Variants in CREB5 observed in about 807,000 individuals in gnomAD.
CREB5 encodes cyclic AMP-responsive element-binding protein 5.
Under a neutral mutation model 57.1 loss-of-function variants are expected in CREB5, and 19 were observed. The observed-to-expected ratio is 0.33, with a 90% CI of 0.23 to 0.49. The LOEUF (loss-of-function observed/expected upper bound fraction) is 0.49, where lower values mean the gene tolerates loss of function less well. Among genes scored for constraint, CREB5 ranks in the 20% least tolerant of loss-of-function variants. CREB5 has a pLI of 0.99. For synonymous variants in CREB5, 238 were observed against 238.3 expected (o/e 1.00, Z 0.01); for missense variants, 579 against 671.6 (o/e 0.86, Z 1.52).
intron 1 of CREB5, among the ~76,000 whole-genome samples, chr7:28,361,109 C>A (rs930370543): frequency 1.3e-5 from 2 of 151,992 alleles, no homozygotes; most frequent in African/African-American, 2.4e-5. Flanking sequence ...TTTTAATAAA[C>A]CTCAGCTAAA....
rs1464886768 is a variant in CREB5, at chr7:28,613,790, A to G, written c.464+43253A>G. Among the ~76,000 whole-genome samples, 4 of 152,170 alleles carry G rather than the reference A, an allele frequency of 2.6e-5. No homozygotes were observed. The East Asian group carries it at 7.7e-4, about 29-fold the overall frequency. The stretch of plus-strand genomic sequence containing the variant: ...GTAAATGGCCTCCGCGGTAATTCAC[A>G]AATGGGTTCAGGGTGGCTTAGAGTC... On this transcript the variant is annotated intron_variant, in intron 5 of 10. Coordinates refer to ENST00000357727, the MANE Select transcript of CREB5 (RefSeq NM_182898.4).
At position 28,790,390 on chromosome 7, in the gene CREB5, C is replaced by T. The variant is rs138464501; in HGVS notation, c.703-13809C>T. ...TTCCCGTAGTGAATGGGCTTTGGAA[C>T]GAAATCAAAGGATACATTTTAGCAG... On this transcript the variant is annotated intron_variant, in intron 7 of 10. Transcript: ENST00000357727. Among the ~76,000 whole-genome samples, 326 of 120,200 alleles carry T rather than the reference C, an allele frequency of 2.7e-3. 2 individuals are homozygous for T. The highest frequency in any genetic ancestry group is 8.3e-3 in the African/African-American group (264 of 31,808). The allele number at this position is 120,200 out of a possible 152,430, so 78.9% of individuals were successfully genotyped here.
chr7:28,714,047 C>T lies in CREB5; in HGVS notation c.465-4706C>T, dbSNP rs1219965035. 5.3e-5 allele frequency among the ~76,000 whole-genome samples: 8 copies of T among 151,248 alleles called. No homozygotes were observed. In the East Asian group the frequency reaches 9.8e-4, roughly 19 times the overall value. Reference sequence around the variant, plus strand: ...AGGTTGGAGTGCAATGGTGTGATCTCGGCTCACTGCCACCTCCACCTCCTG... The same window carrying T: ...AGGTTGGAGTGCAATGGTGTGATCTTGGCTCACTGCCACCTCCACCTCCTG... On this transcript the variant is annotated intron_variant, in intron 5 of 10. Transcript: ENST00000357727.
chr7:28,806,954 A>ACATTCCCTCTTAATGC (rs1808763088), intron 8 of CREB5, among the ~76,000 whole-genome samples: 1 of 152,242 alleles, frequency 6.6e-6, no homozygotes, highest in Admixed American at 6.5e-5. Flanking sequence ...AGCAGTTAGC[A>ACATTCCCTCTTAATGC]CATTCCCTCT....
intron 5 of CREB5, among the ~76,000 whole-genome samples, chr7:28,605,129 G>T (rs532704532): frequency 6.6e-6 from 1 of 152,124 alleles, no homozygotes; most frequent in Non-Finnish European, 1.5e-5. Flanking sequence ...TTGGGTTCTT[G>T]TAACACTGAA....
At chr7:28,693,070 C>G (rs1801357194) in intron 5 of CREB5, among the ~76,000 whole-genome samples, 1 of 152,158 alleles carries the variant, frequency 6.6e-6, no homozygotes, top group Non-Finnish European at 1.5e-5. Flanking sequence ...ATAGCCAAGA[C>G]CCATCTAGCT....
intron 4 of CREB5, among the ~76,000 whole-genome samples, chr7:28,560,825 C>CGCGCGTGTGTGTGTGTGCGTGTGTGT (rs1795083600): frequency 2.7e-5 from 1 of 37,566 alleles, no homozygotes; most frequent in Non-Finnish European, 6.5e-5. Flanking sequence ...TGTGTGTGCG[C>CGCGCGTGTGTGTGTGTGCGTGTGTGT]GCGCGCGCGT....
intron 1 of CREB5, among the ~76,000 whole-genome samples, chr7:28,324,283 T>C (rs1785541807): frequency 6.6e-6 from 1 of 152,146 alleles, no homozygotes; most frequent in African/African-American, 2.4e-5. Flanking sequence ...AAACCTTCTT[T>C]AAGAGCTGTC....
intron 5 of CREB5, among the ~76,000 whole-genome samples, chr7:28,690,306 C>A (rs1284681208): frequency 1.3e-5 from 2 of 152,178 alleles, no homozygotes; most frequent in African/African-American, 4.8e-5. Flanking sequence ...CTCTGCCCAC[C>A]AGACACAGAG....
intron 7 of CREB5, among the ~76,000 whole-genome samples, chr7:28,774,583 A>G (rs1253441979): frequency 1.3e-5 from 2 of 152,136 alleles, no homozygotes; most frequent in Non-Finnish European, 2.9e-5. Context: ...AGAATTGCCA[A>G]CCCTTCGACT....
chr7:28,662,393 CT>C (rs142843589), intron 5 of CREB5, among the ~76,000 whole-genome samples: 3 of 152,300 alleles, frequency 2.0e-5, no homozygotes, highest in African/African-American at 7.2e-5. Flanking sequence ...GTATTTCAAG[CT>C]ACTGAGAGGA....
intron 5 of CREB5, among the ~76,000 whole-genome samples, chr7:28,684,827 T>A (rs905564001): frequency 2.6e-5 from 4 of 152,226 alleles, no homozygotes; most frequent in Non-Finnish European, 5.9e-5. Flanking sequence ...TTCATGTTAC[T>A]TTTTTCTTTT....
chr7:28,328,034 C>G (rs1417393122), intron 1 of CREB5, among the ~76,000 whole-genome samples: 2 of 144,938 alleles, frequency 1.4e-5, no homozygotes, highest in African/African-American at 5.1e-5. Context: ...TGAGAATGTT[C>G]CGGTTTTCAA....
chr7:28,703,721 T>C (rs1380969823), intron 5 of CREB5, among the ~76,000 whole-genome samples: 1 of 152,156 alleles, frequency 6.6e-6, no homozygotes, highest in Non-Finnish European at 1.5e-5. Flanking sequence ...TTTTCTTCTA[T>C]TCAGGTCCTC....
chr7:28,346,474 A>C (rs1490896172), intron 1 of CREB5, among the ~76,000 whole-genome samples: 1 of 152,172 alleles, frequency 6.6e-6, no homozygotes, highest in Non-Finnish European at 1.5e-5. Context: ...CCTGCCTCCT[A>C]ATACCATCAC....
At chr7:28,447,183 G>C (rs187418878) in intron 1 of CREB5, among the ~76,000 whole-genome samples, 13 of 152,342 alleles carry the variant, frequency 8.5e-5, no homozygotes, top group African/African-American at 3.1e-4. Context: ...TGTTCTGACT[G>C]TATTTATGAG....
chr7:28,661,408 C>T (rs943978072), intron 5 of CREB5, among the ~76,000 whole-genome samples: 1 of 152,110 alleles, frequency 6.6e-6, no homozygotes, highest in African/African-American at 2.4e-5. Flanking sequence ...TATTCTCTCT[C>T]TCATTTCTCT....
intron 1 of CREB5, among the ~76,000 whole-genome samples, chr7:28,352,855 C>T (rs1786261382): frequency 6.6e-6 from 1 of 152,112 alleles, no homozygotes; most frequent in Admixed American, 6.5e-5. Flanking sequence ...ATTAATGTGC[C>T]CACTGTCTCT....
intron 4 of CREB5, among the ~76,000 whole-genome samples, chr7:28,508,333 C>T (rs1792567918): frequency 2.6e-5 from 4 of 152,118 alleles, no homozygotes; most frequent in Admixed American, 2.6e-4. Flanking sequence ...AATCACTTTA[C>T]AAGAATAATG....
Sources: allele counts gnomAD v4.1 joint callset (sites outside exome capture counted in the v4.1 genomes callset), GRCh38; gene constraint gnomAD v4.1.1; transcripts MANE v1.5; gene names NCBI Gene and HGNC (gene_info 2026-07-23, HGNC 2026-07-21).